The following CTIF variants were observed in gnomAD, a reference collection of about 807,000 sequenced individuals.
CTIF encodes the protein cap binding complex dependent translation initiation factor.
In CTIF, 21 loss-of-function variants were observed where a neutral mutation model predicts 66.0. That is an observed-to-expected ratio of 0.32 (90% CI 0.23 to 0.46). CTIF has a LOEUF of 0.46. Among genes scored for constraint, CTIF ranks in the 20% least tolerant of loss-of-function variants. The probability of loss-of-function intolerance (pLI) is 1.00; values close to 1 mark genes in which losing one functional copy is unlikely to be tolerated. For missense variants in CTIF, 739 were observed against 812.7 expected (o/e 0.91, Z 1.10); for synonymous variants, 345 against 326.4 (o/e 1.06, Z -0.62).
chr18:48,704,453 A>AC (rs1239111250), intron 6 of CTIF, among the ~76,000 whole-genome samples: 4 of 152,004 alleles, frequency 2.6e-5, no homozygotes, highest in Non-Finnish European at 4.4e-5. Context: ...TTTGCCCACC[A>AC]CTCCACCTGG....
chr18:48,617,675 T>A (rs2090423083), intron 1 of CTIF, among the ~76,000 whole-genome samples: 3 of 152,212 alleles, frequency 2.0e-5, no homozygotes, highest in Admixed American at 2.0e-4. Context: ...CCCATGCCCC[T>A]GCCTGTGGCC....
At chr18:48,841,409 C>T (rs958738638) in intron 10 of CTIF, among the ~76,000 whole-genome samples, 1 of 152,212 alleles carries the variant, frequency 6.6e-6, no homozygotes, top group Non-Finnish European at 1.5e-5. Flanking sequence ...GGGCAGCGCC[C>T]TCGTGGCCCC....
In CTIF at chr18:48,859,942, C is replaced by T. The variant is rs530564709; in HGVS notation, c.*383C>T. 3 of 480,010 alleles carry T rather than the reference C, an allele frequency of 6.2e-6. No homozygotes were observed. Among genetic ancestry groups the T allele is most frequent in the South Asian group, 1.5e-5 (1 of 64,796 alleles). The allele number at this position is 480,010 out of a possible 1,614,324, so 29.7% of individuals were successfully genotyped here. On this transcript the variant is annotated 3_prime_UTR_variant, in exon 12 of 12. Coordinates refer to ENST00000256413, the MANE Select transcript of CTIF (RefSeq NM_014772.3). ...TTGGCAGCCTCGCACGCCGGGGCAC[C>T]GCTTGGGTCAGAAAGGACCTCGGAA...
chr18:48,717,170 G>A (rs750820225), intron 7 of CTIF, among the ~76,000 whole-genome samples: 4 of 152,086 alleles, frequency 2.6e-5, no homozygotes, highest in African/African-American at 7.2e-5. Flanking sequence ...AGGCTGAGAC[G>A]GGCAGATCAC....
chr18:48,695,040 A>G (rs878956906), intron 6 of CTIF, among the ~76,000 whole-genome samples: 2 of 152,348 alleles, frequency 1.3e-5, no homozygotes, highest in South Asian at 2.1e-4. Context: ...CACACTTGTC[A>G]GGGAGATCTA....
At chr18:48,731,688 C>T (rs1025765974) in intron 7 of CTIF, among the ~76,000 whole-genome samples, 1 of 152,166 alleles carries the variant, frequency 6.6e-6, no homozygotes, top group Non-Finnish European at 1.5e-5. Context: ...TAGTTTTTAG[C>T]GGGTTGGGAC....
At chr18:48,699,272 C>G (rs2092049703) in intron 6 of CTIF, among the ~76,000 whole-genome samples, 1 of 152,166 alleles carries the variant, frequency 6.6e-6, no homozygotes, top group African/African-American at 2.4e-5. Context: ...CTGGCTGGTC[C>G]TCTGGGAGAC....
At chr18:48,722,211 T>A (rs1487211051) in intron 7 of CTIF, among the ~76,000 whole-genome samples, 1 of 137,954 alleles carries the variant, frequency 7.2e-6, no homozygotes, top group East Asian at 2.0e-4. Flanking sequence ...CTGTGCTTTT[T>A]TTTTTTTTTT....
At chr18:48,773,684 T>C (rs969063413) in intron 9 of CTIF, among the ~76,000 whole-genome samples, 1 of 152,212 alleles carries the variant, frequency 6.6e-6, no homozygotes, top group Non-Finnish European at 1.5e-5. Context: ...AACATTGGCC[T>C]GTGGGCCGCT....
rs1033008944 is a variant in CTIF at position 48,586,164 on chromosome 18, C to T, written c.-28-33374C>T. 5.3e-5 allele frequency among the ~76,000 whole-genome samples: 8 copies of T among 152,082 alleles called. No individual in the cohort carries two copies. The East Asian group carries it at 7.7e-4, about 15-fold the overall frequency. ...TATATTTAACGAGTTTTAAAATACT[C>T]GTGCCAAATTGCCCAGCAGAAGATA... On this transcript the variant is annotated intron_variant, in intron 1 of 11. Transcript: ENST00000256413.
At chr18:48,648,073 A>G (rs1447762815) in intron 3 of CTIF, among the ~76,000 whole-genome samples, 1 of 152,222 alleles carries the variant, frequency 6.6e-6, no homozygotes, top group Non-Finnish European at 1.5e-5. Flanking sequence ...AGCCAGACAG[A>G]AATGGCCTCT....
chr18:48,568,658 AAAAAAAAAAAGAG>A (rs1480498126), intron 1 of CTIF, among the ~76,000 whole-genome samples: 5 of 143,660 alleles, frequency 3.5e-5, no homozygotes, highest in African/African-American at 1.3e-4. Flanking sequence ...AAAAAAAAAA[AAAAAAAAAAAGAG>A]GTTTAATGGA....
At chr18:48,586,840 C>T (rs1236862087) in intron 1 of CTIF, among the ~76,000 whole-genome samples, 1 of 152,142 alleles carries the variant, frequency 6.6e-6, no homozygotes, top group South Asian at 2.1e-4. Flanking sequence ...AGATTCACTC[C>T]AAAGCGGTAT....
chr18:48,739,198 A>G (rs1404825737), intron 7 of CTIF, among the ~76,000 whole-genome samples: 2 of 152,232 alleles, frequency 1.3e-5, no homozygotes, highest in Non-Finnish European at 2.9e-5. Flanking sequence ...GGGACAGCCA[A>G]GATTCCTCCC....
intron 9 of CTIF, among the ~76,000 whole-genome samples, chr18:48,785,833 T>C (rs1227408658): frequency 2.0e-5 from 3 of 152,214 alleles, no homozygotes; most frequent in Non-Finnish European, 2.9e-5. Flanking sequence ...GCAAATTGTG[T>C]CACCATCTTA....
At chr18:48,604,960 T>C (rs903000263) in intron 1 of CTIF, among the ~76,000 whole-genome samples, 1 of 152,266 alleles carries the variant, frequency 6.6e-6, no homozygotes, top group Non-Finnish European at 1.5e-5. Context: ...CAGTACTTTA[T>C]TCCTTCTAAT....
chr18:48,859,626 G>T lies in CTIF; in HGVS notation c.*67G>T, dbSNP rs534008169. ...CCTGGTGCACAGGGCCAGATGGACA[G>T]GCGGGAGGACAGGGGTGGCCCTGGC... On this transcript the variant is annotated 3_prime_UTR_variant, in exon 12 of 12. Transcript: ENST00000256413. 2 of 1,475,804 alleles carry T rather than the reference G, an allele frequency of 1.4e-6. No individual in the cohort carries two copies. Among genetic ancestry groups the T allele is most frequent in the Non-Finnish European group, 1.9e-6 (2 of 1,055,930 alleles). 91.4% of individuals were successfully genotyped at this position (1,475,804 alleles called of 1,614,324 possible).
chr18:48,705,247 C>T lies in CTIF; in HGVS notation c.508-6372C>T, dbSNP rs147915807. On this transcript the variant is annotated intron_variant, in intron 6 of 11. Coordinates refer to ENST00000256413, the MANE Select transcript of CTIF (RefSeq NM_014772.3). Reference sequence around the variant, plus strand: ...TTCTTCCAAGGCTCTAGGGGAGGAGCCTTCTGCACTTCTTCCCAGCTTCCC... The same window carrying T: ...TTCTTCCAAGGCTCTAGGGGAGGAGTCTTCTGCACTTCTTCCCAGCTTCCC... Among the ~76,000 whole-genome samples the T allele has an allele frequency of 4.6e-5, 7 of 152,318 alleles. No homozygotes were observed. In the East Asian group the frequency reaches 5.8e-4, roughly 13 times the overall value.
chr18:48,737,157 C>A (rs2092510481), intron 7 of CTIF, among the ~76,000 whole-genome samples: 1 of 152,106 alleles, frequency 6.6e-6, no homozygotes, highest in Non-Finnish European at 1.5e-5. Context: ...AGTTCTGTGG[C>A]TTGGCCGGGA....
Sources: gnomAD v4.1 joint callset for allele counts (sites outside exome capture counted in the v4.1 genomes callset) on GRCh38, gnomAD v4.1.1 for gene constraint, MANE v1.5 for transcripts, NCBI Gene and HGNC (gene_info 2026-07-23, HGNC 2026-07-21) for gene names.